Variants in MYT1L observed in about 807,000 individuals in gnomAD.
MYT1L encodes the protein myelin transcription factor 1-like protein.
A neutral mutation model predicts 126.7 loss-of-function variants in MYT1L; 12 were observed. That is an observed-to-expected ratio of 0.09 (90% confidence interval 0.06 to 0.15). The LOEUF is 0.15. Ranked by LOEUF, MYT1L falls within the 10% of genes least tolerant of loss-of-function variation. MYT1L has a pLI of 1.00. For missense variants in MYT1L, 979 were observed against 1,585.2 expected (o/e 0.62, Z 6.49); for synonymous variants, 541 against 604.2 (o/e 0.90, Z 1.53).
At chr2:2,280,933 T>C (rs896085472) in intron 2 of MYT1L, among the ~76,000 whole-genome samples, 7 of 152,188 alleles carry the variant, frequency 4.6e-5, no homozygotes, top group African/African-American at 1.7e-4. Flanking sequence ...GGTGCGGCCA[T>C]AGGGGACACA....
At chr2:2,279,894 G>A (rs554146010) in intron 2 of MYT1L, among the ~76,000 whole-genome samples, 98 of 152,288 alleles carry the variant, frequency 6.4e-4, no homozygotes, top group Middle Eastern at 3.4e-3. Context: ...CAGCACTTAC[G>A]TGATTTATCT....
intron 3 of MYT1L, among the ~76,000 whole-genome samples, chr2:2,128,605 A>G (rs1240027879): frequency 6.6e-6 from 1 of 152,230 alleles, no homozygotes; most frequent in African/African-American, 2.4e-5. Flanking sequence ...ATAGTCTAAT[A>G]TATGTTAACT....
Position 2,262,527 on chromosome 2 carries a change from C to T in MYT1L, c.-421+21877G>A, listed in dbSNP as rs1045976917. ...CTAACACAGTGAAACCCCGTCTCTACTAAAACTACAAAAAAATTAGCCGGG... is the reference window on the plus strand; with the variant it reads ...CTAACACAGTGAAACCCCGTCTCTATTAAAACTACAAAAAAATTAGCCGGG... On this transcript the variant is annotated intron_variant, in intron 2 of 24. Transcript: ENST00000647738. Among the ~76,000 whole-genome samples the T allele has an allele frequency of 1.6e-3, 245 of 151,948 alleles. 6 individuals are homozygous for T. The highest frequency in any genetic ancestry group is 1.2e-3 in the Non-Finnish European group (82 of 67,970).
intron 3 of MYT1L, among the ~76,000 whole-genome samples, chr2:2,141,522 G>A (rs1184149152): frequency 6.6e-6 from 1 of 152,098 alleles, no homozygotes; most frequent in East Asian, 1.9e-4. Flanking sequence ...CCTGAGTTCT[G>A]CTCGAGCACT....
At chr2:2,018,317 G>A (rs560580214) in intron 4 of MYT1L, among the ~76,000 whole-genome samples, 2 of 152,108 alleles carry the variant, frequency 1.3e-5, no homozygotes, top group Non-Finnish European at 2.9e-5. Context: ...CATCTCCTTG[G>A]GTTGCAGGTC....
chr2:1,949,745 G>A (rs559967617), intron 8 of MYT1L, among the ~76,000 whole-genome samples: 1 of 152,308 alleles, frequency 6.6e-6, no homozygotes, highest in Admixed American at 6.5e-5. Flanking sequence ...GGAACGAGGT[G>A]AGGGTGGGAA....
At chr2:1,994,837 A>T (rs1294685188) in intron 5 of MYT1L, among the ~76,000 whole-genome samples, 3 of 152,230 alleles carry the variant, frequency 2.0e-5, no homozygotes, top group Non-Finnish European at 2.9e-5. Flanking sequence ...CAGGTATTTG[A>T]AATTATCTTA....
At chr2:2,251,891 GA>G (rs2094660976) in intron 2 of MYT1L, among the ~76,000 whole-genome samples, 1 of 144,592 alleles carries the variant, frequency 6.9e-6, no homozygotes, top group African/African-American at 2.6e-5. Context: ...AAAGAAGAAC[GA>G]AAAGAAAGAA....
At chr2:1,981,014 A>C (rs1448832179) in intron 5 of MYT1L, among the ~76,000 whole-genome samples, 1 of 152,084 alleles carries the variant, frequency 6.6e-6, no homozygotes, top group Admixed American at 6.6e-5. Flanking sequence ...TGAGTGAAGA[A>C]GACTCATTAG....
chr2:2,162,891 C>T lies in MYT1L; in HGVS notation c.-304+9981G>A, dbSNP rs371957166. 8.5e-5 allele frequency among the ~76,000 whole-genome samples: 13 copies of T among 152,130 alleles called. No homozygotes were observed. The East Asian group carries it at 9.6e-4, about 11-fold the overall frequency. On this transcript the variant is annotated intron_variant, in intron 3 of 24. Transcript: ENST00000647738. ...TTTGACTTCTACTTTTATCAGTGCT[C>T]GCAGTAACTTGACTTGCCACCCTGT...
At chr2:2,152,025 C>T (rs2085880806) in intron 3 of MYT1L, among the ~76,000 whole-genome samples, 1 of 152,190 alleles carries the variant, frequency 6.6e-6, no homozygotes, top group South Asian at 2.1e-4. Flanking sequence ...CACCACACTC[C>T]AGCCTGGGTG....
intron 13 of MYT1L, among the ~76,000 whole-genome samples, chr2:1,904,077 A>G (rs2050718742): frequency 6.6e-6 from 1 of 152,234 alleles, no homozygotes; most frequent in Admixed American, 6.5e-5. Context: ...ACACCCTGAC[A>G]CCAAATTCCA....
intron 5 of MYT1L, among the ~76,000 whole-genome samples, chr2:1,985,487 C>T (rs560207248): frequency 1.1e-4 from 17 of 152,326 alleles, no homozygotes; most frequent in East Asian, 3.9e-4. Flanking sequence ...AATACCTCCA[C>T]GTCTCAATTC....
At chr2:1,983,478 G>C (rs2060762718) in intron 5 of MYT1L, among the ~76,000 whole-genome samples, 1 of 152,330 alleles carries the variant, frequency 6.6e-6, no homozygotes, top group East Asian at 1.9e-4. Context: ...TAAAACGTAT[G>C]GTCTGAAATG....
At chr2:1,883,476 C>T (rs1351566259) in intron 18 of MYT1L, among the ~76,000 whole-genome samples, 1 of 152,168 alleles carries the variant, frequency 6.6e-6, no homozygotes, top group Non-Finnish European at 1.5e-5. Context: ...GGAATCCTAG[C>T]AAATGAAATG....
intron 4 of MYT1L, among the ~76,000 whole-genome samples, chr2:2,034,286 C>T (rs1308486196): frequency 6.6e-6 from 1 of 151,800 alleles, no homozygotes; most frequent in Non-Finnish European, 1.5e-5. Context: ...CCTAACTTCT[C>T]CCCATAATCT....
At chr2:2,172,372 C>G (rs1444193278) in intron 3 of MYT1L, among the ~76,000 whole-genome samples, 5 of 152,224 alleles carry the variant, frequency 3.3e-5, no homozygotes, top group African/African-American at 4.8e-5. Flanking sequence ...CTCTCAGCAC[C>G]CACAAGGAGG....
intron 5 of MYT1L, among the ~76,000 whole-genome samples, chr2:1,996,542 G>A (rs1480453100): frequency 6.8e-6 from 1 of 147,600 alleles, no homozygotes; most frequent in Admixed American, 6.7e-5. Context: ...CTGCCTCAGT[G>A]TGGGCTGCAC....
chr2:2,113,108 T>C (rs909845626), intron 3 of MYT1L, among the ~76,000 whole-genome samples: 4 of 152,160 alleles, frequency 2.6e-5, no homozygotes, highest in African/African-American at 9.7e-5. Flanking sequence ...AAGAAGCAGA[T>C]TCCTAATAAC....
Sources: allele counts gnomAD v4.1 joint callset (sites outside exome capture counted in the v4.1 genomes callset), GRCh38; gene constraint gnomAD v4.1.1; transcripts MANE v1.5; gene names NCBI Gene and HGNC (gene_info 2026-07-23, HGNC 2026-07-21).